The following RNF128 variants were observed in gnomAD, a reference collection of about 807,000 sequenced individuals.
RNF128 encodes E3 ubiquitin-protein ligase RNF128.
A neutral mutation model predicts 26.2 loss-of-function variants in RNF128; 13 were observed. That is an observed-to-expected ratio of 0.50 (90% CI 0.32 to 0.79). The LOEUF (loss-of-function observed/expected upper bound fraction) is 0.79. Among genes scored for constraint, RNF128 ranks in the 30% least tolerant of loss-of-function variants. The pLI is 0.03. For missense variants in RNF128, 315 were observed against 349.7 expected, an observed-to-expected ratio of 0.90 and a Z score of 0.79; for synonymous variants, 149 against 142.5, an observed-to-expected ratio of 1.05 and a Z score of -0.32.
intron 1 of RNF128, among the ~76,000 whole-genome samples, chrX:106,764,531 G>A (rs1028130356): frequency 9.1e-6 from 1 of 109,753 alleles, no homozygotes; most frequent in East Asian, 2.9e-4. Context: ...GCTGGGTGTG[G>A]TGGCATGCAC....
rs764601655 is a variant in RNF128, at chrX:106,735,512, C to T, written c.484+8115C>T. Among the ~76,000 whole-genome samples, 15 of 111,532 alleles carry T rather than the reference C, an allele frequency of 1.3e-4. No homozygotes were observed. In the East Asian group the frequency reaches 3.1e-3, roughly 23 times the overall value. ...TATAGGAGAAAGTATTTGTTCTCTT[C>T]ATTATTATTTTTCTATATTTTCTGA... On this transcript the variant is annotated intron_variant, in intron 1 of 6. Coordinates refer to ENST00000255499, the MANE Select transcript of RNF128 (RefSeq NM_194463.2).
chrX:106,701,653 T>A (rs1928959415), intron 1 of RNF128, among the ~76,000 whole-genome samples: 1 of 111,617 alleles, frequency 9.0e-6, no homozygotes, highest in South Asian at 3.7e-4. Context: ...GTGCCCTGGA[T>A]AAAACAATTG....
intron 1 of RNF128, among the ~76,000 whole-genome samples, chrX:106,770,050 T>C (rs750308193): frequency 5.4e-5 from 6 of 111,984 alleles, no homozygotes; most frequent in African/African-American, 1.9e-4. Context: ...TTGAAAATTC[T>C]TTAAGAATGT....
chrX:106,764,025 C>T (rs764921435), intron 1 of RNF128, among the ~76,000 whole-genome samples: 4 of 109,479 alleles, frequency 3.7e-5, no homozygotes, highest in African/African-American at 1.3e-4. Context: ...TGCAGTGGCA[C>T]GATATCAGCT....
At chrX:106,733,761 C>A (rs1399083898) in intron 1 of RNF128, among the ~76,000 whole-genome samples, 1 of 110,827 alleles carries the variant, frequency 9.0e-6, no homozygotes. Context: ...AGTACCATGG[C>A]GTGGTCTCAG....
At chrX:106,722,096 G>A (rs1282465936), upstream of RNF128, among the ~76,000 whole-genome samples, 1 of 111,119 alleles carries the variant, frequency 9.0e-6, no homozygotes, top group Non-Finnish European at 1.9e-5. Flanking sequence ...GTAGTGATAT[G>A]GCCAGGGAGT....
At chrX:106,732,994 G>A (rs1227188107) in intron 1 of RNF128, among the ~76,000 whole-genome samples, 1 of 111,140 alleles carries the variant, frequency 9.0e-6, no homozygotes, top group Non-Finnish European at 1.9e-5. Flanking sequence ...AACTGAGGAG[G>A]AACAATATTT....
intron 1 of RNF128, among the ~76,000 whole-genome samples, chrX:106,714,468 T>A (rs913472520): frequency 4.7e-4 from 52 of 111,617 alleles, no homozygotes; most frequent in Non-Finnish European, 8.8e-4. Context: ...TTTACCCAGT[T>A]TCCCCCAGTA....
intron 1 of RNF128, among the ~76,000 whole-genome samples, chrX:106,714,847 C>T (rs980967341): frequency 9.0e-6 from 1 of 111,502 alleles, no homozygotes; most frequent in Non-Finnish European, 1.9e-5. Flanking sequence ...GTATAATTCT[C>T]GGGAGATTCA....
intron 3 of RNF128, among the ~76,000 whole-genome samples, chrX:106,787,135 TA>T (rs1468369929): frequency 9.0e-6 from 1 of 111,303 alleles, no homozygotes; most frequent in East Asian, 2.8e-4. Flanking sequence ...TACGTTCACA[TA>T]AAAACACAAC....
At chrX:106,713,200 TA>T (rs763225428) in intron 1 of RNF128, among the ~76,000 whole-genome samples, 73 of 96,845 alleles carry the variant, frequency 7.5e-4, no homozygotes, top group African/African-American at 1.5e-3. Context: ...TGAAGTTAAT[TA>T]AAAAAAAAAA....
intron 1 of RNF128, among the ~76,000 whole-genome samples, chrX:106,736,375 T>G (rs1929596291): frequency 9.0e-6 from 1 of 111,728 alleles, no homozygotes; most frequent in Admixed American, 9.6e-5. Flanking sequence ...AGAATGTATT[T>G]TGTGTCATAC....
At chrX:106,730,089 G>C (rs1162197401) in intron 1 of RNF128, among the ~76,000 whole-genome samples, 1 of 112,314 alleles carries the variant, frequency 8.9e-6, no homozygotes, top group Non-Finnish European at 1.9e-5. Flanking sequence ...CTTGGTTAGA[G>C]TTTGTGCTGA....
In RNF128 at chrX:106,777,249, A is replaced by G. The variant is rs777751375; in HGVS notation, c.732+4089A>G. Among the ~76,000 whole-genome samples, 5 of 112,213 alleles carry G rather than the reference A, an allele frequency of 4.5e-5. No homozygotes were observed. In the East Asian group the frequency reaches 1.1e-3, roughly 25 times the overall value. ...AGTGACTGGCATGAAGAAGAAGTAG[A>G]ATGATTTAGTTCATTACTATATTAA... On this transcript the variant is annotated intron_variant, in intron 2 of 6. Coordinates refer to ENST00000255499, the MANE Select transcript of RNF128 (RefSeq NM_194463.2).
At chrX:106,703,612 C>T (rs956277674) in intron 1 of RNF128, among the ~76,000 whole-genome samples, 2 of 111,182 alleles carry the variant, frequency 1.8e-5, no homozygotes, top group Admixed American at 1.9e-4. Context: ...CATCATTGCC[C>T]TCAAGGAGGG....
At chrX:106,755,747 G>A (rs940488034) in intron 1 of RNF128, among the ~76,000 whole-genome samples, 2 of 111,247 alleles carry the variant, frequency 1.8e-5, no homozygotes, top group African/African-American at 6.5e-5. Context: ...CAATTAGGCA[G>A]GAGAAGGAAA....
chrX:106,701,610 A>G lies in RNF128; in HGVS notation c.406+7202A>G, dbSNP rs150523196. ...GAAGAAACAATAGGTAAAAGGGACA[A>G]TTTTGGGTTATTTTCCAAATACAAT... On this transcript the variant is annotated intron_variant, in intron 1 of 6. Coordinates refer to the RNF128 transcript ENST00000324342. 6.8e-3 allele frequency among the ~76,000 whole-genome samples: 756 copies of G among 111,227 alleles called. 4 individuals carry two copies. Among genetic ancestry groups the G allele is most frequent in the African/African-American group, 0.023 (716 of 30,662 alleles).
chrX:106,777,313 A>G (rs1057437141), intron 2 of RNF128, among the ~76,000 whole-genome samples: 2 of 112,198 alleles, frequency 1.8e-5, no homozygotes, highest in African/African-American at 6.5e-5. Flanking sequence ...TCAAGTGGCC[A>G]TAGATCAAGG....
rs1041571118 is a variant in RNF128 at position 106,796,656 on chromosome X, C to T, written c.*943C>T. The T allele has an allele frequency of 1.1e-4, 12 of 111,431 alleles. No individual in the cohort carries two copies. Among genetic ancestry groups the T allele is most frequent in the Non-Finnish European group, 2.3e-4 (12 of 52,899 alleles). 9.2% of individuals were successfully genotyped at this position (111,431 alleles called of 1,213,427 possible). On this transcript the variant is annotated 3_prime_UTR_variant, in exon 7 of 7. Coordinates refer to ENST00000255499, the MANE Select transcript of RNF128 (RefSeq NM_194463.2). Reference sequence around the variant, plus strand: ...ACATTAGATAAACTAAAATTCTGTCCGTGTAACTATAAATTTTGTGAATGC... The same window carrying T: ...ACATTAGATAAACTAAAATTCTGTCTGTGTAACTATAAATTTTGTGAATGC...
Sources: gnomAD v4.1 joint callset for allele counts (sites outside exome capture counted in the v4.1 genomes callset) on GRCh38, gnomAD v4.1.1 for gene constraint, MANE v1.5 for transcripts, NCBI Gene and HGNC (gene_info 2026-07-23, HGNC 2026-07-21) for gene names.